TSPAN3: variants seen among roughly 807,000 people sequenced by gnomAD.
The protein encoded by TSPAN3 is tetraspanin 3, also known as tetraspanin-3.
Under a neutral mutation model 31.1 loss-of-function variants are expected in TSPAN3, and 9 were observed. The observed-to-expected ratio is 0.29, with a 90% CI of 0.17 to 0.50. The LOEUF is 0.50. Ranked by LOEUF, TSPAN3 falls within the 20% of genes least tolerant of loss-of-function variation. The pLI, the probability that TSPAN3 is intolerant of heterozygous loss-of-function variation, is 0.98. For synonymous variants in TSPAN3, 129 were observed against 114.3 expected (o/e 1.13, Z -0.82); for missense variants, 252 against 313.5 (o/e 0.80, Z 1.48).
At chr15:77,065,466 G>A (rs933221549) in intron 1 of TSPAN3, among the ~76,000 whole-genome samples, 11 of 151,926 alleles carry the variant, frequency 7.2e-5, no homozygotes, top group Non-Finnish European at 1.2e-4. Flanking sequence ...TCGCTCTGTC[G>A]CCCAGGCTGG....
intron 1 of TSPAN3, among the ~76,000 whole-genome samples, chr15:77,057,063 G>A (rs1568542567): frequency 6.6e-6 from 1 of 152,208 alleles, no homozygotes; most frequent in African/African-American, 2.4e-5. Flanking sequence ...ACAAAGACAA[G>A]TGATAGGTGT....
intron 1 of TSPAN3, among the ~76,000 whole-genome samples, chr15:77,068,912 G>A (rs1340940274): frequency 6.6e-6 from 1 of 152,134 alleles, no homozygotes; most frequent in African/African-American, 2.4e-5. Context: ...TTGGTTCCAT[G>A]TTTTTGCTAT....
At chr15:77,058,847 A>G (rs1319941880) in intron 1 of TSPAN3, among the ~76,000 whole-genome samples, 1 of 152,182 alleles carries the variant, frequency 6.6e-6, no homozygotes, top group Non-Finnish European at 1.5e-5. Flanking sequence ...CTATTCAATT[A>G]TTTGGCAACT....
chr15:77,063,084 G>T (rs1334249995), intron 1 of TSPAN3, among the ~76,000 whole-genome samples: 1 of 152,088 alleles, frequency 6.6e-6, no homozygotes, highest in African/African-American at 2.4e-5. Context: ...TCTCACCAAT[G>T]AATTCATTCC....
chr15:77,068,694 C>A (rs905100267), intron 1 of TSPAN3, among the ~76,000 whole-genome samples: 3 of 152,166 alleles, frequency 2.0e-5, no homozygotes, highest in Non-Finnish European at 2.9e-5. Context: ...AAGCCTGTAA[C>A]TCTTAAAAAA....
At chr15:77,064,504 G>A (rs1395864009) in intron 1 of TSPAN3, 1 of 152,124 alleles carries the variant, frequency 6.6e-6, no homozygotes, top group East Asian at 1.9e-4. Context: ...TTCAAAGCAT[G>A]ATAAATATCC....
rs1365932570 is a variant in TSPAN3, at chr15:77,042,936, T to A, written c.*3899A>T. 1 of 152,238 alleles carries A rather than the reference T, an allele frequency of 6.6e-6. No individual in the cohort carries two copies. Among genetic ancestry groups the A allele is most frequent in the Non-Finnish European group, 1.5e-5 (1 of 68,068 alleles). The allele number at this position is 152,238 out of a possible 1,614,324, so 9.4% of individuals were successfully genotyped here. A position where few individuals can be genotyped will look rare whatever the true frequency, so the allele number is the denominator to read the frequency against. The stretch of plus-strand genomic sequence containing the variant: ...CTCTTAACTCCAAATTTCCCTGACC[T>A]TGCCCTTCCTTGTCACACTGAAGAG... On this transcript the variant is annotated 3_prime_UTR_variant, in exon 7 of 7. Coordinates refer to ENST00000267970, the MANE Select transcript of TSPAN3 (RefSeq NM_005724.6).
At chr15:77,047,244 A>G (rs1260592706) in intron 6 of TSPAN3, among the ~76,000 whole-genome samples, 1 of 152,230 alleles carries the variant, frequency 6.6e-6, no homozygotes, top group East Asian at 1.9e-4. Context: ...CATACCACAT[A>G]TGCACTGTCA....
chr15:77,053,261 C>T (rs143706661), intron 4 of TSPAN3, among the ~76,000 whole-genome samples: 259 of 151,646 alleles, frequency 1.7e-3, no homozygotes, highest in African/African-American at 6.0e-3. Flanking sequence ...TTTGGGAGGC[C>T]GAGATGGGCG....
chr15:77,070,747 G>C (rs1391994600), intron 1 of TSPAN3, 145 bp downstream of exon 1: 9 of 240,440 alleles, frequency 3.7e-5, no homozygotes, highest in Admixed American at 1.3e-4. Context: ...CCTCACACCC[G>C]GCCCTCCCCT....
In TSPAN3 at chr15:77,046,528, G is replaced by A. The variant is rs544470856; in HGVS notation, c.*307C>T. On this transcript the variant is annotated 3_prime_UTR_variant, in exon 7 of 7. Transcript: ENST00000267970. ...GCATCAGTCCTGTTACCACTTGGAG[G>A]TAACAGAAGCAGGCTCGTGTCCTCC... 5 of 454,238 alleles carry A rather than the reference G, an allele frequency of 1.1e-5. No individual in the cohort carries two copies. In the South Asian group the frequency reaches 2.3e-4, roughly 21 times the overall value. The allele number at this position is 454,238 out of a possible 1,614,324, so 28.1% of individuals were successfully genotyped here.
chr15:77,047,022 C>T, intron 6 of TSPAN3, 95 bp from the exon 7 acceptor site: 1 of 917,162 alleles, frequency 1.1e-6, no homozygotes, highest in East Asian at 2.8e-5. Context: ...TTTCAAAGTT[C>T]AATGACTTCA....
chr15:77,042,559 C>A lies in TSPAN3; in HGVS notation c.*4276G>T, dbSNP rs888706439. ...GTCGGGAACTATCTGAGGAACTCTT[C>A]CCCCATCCCCAAAGGTCAATGATGA... On this transcript the variant is annotated 3_prime_UTR_variant, in exon 7 of 7. Transcript: ENST00000267970. The A allele has an allele frequency of 3.2e-4, 49 of 152,098 alleles. No homozygotes were observed. The highest frequency in any genetic ancestry group is 1.2e-3 in the African/African-American group (49 of 41,404). 9.4% of individuals were successfully genotyped at this position (152,098 alleles called of 1,614,324 possible).
intron 6 of TSPAN3, 119 bp from the exon 7 acceptor site, chr15:77,047,046 G>A: frequency 2.8e-6 from 2 of 715,718 alleles, no homozygotes; most frequent in Non-Finnish European, 4.6e-6. Flanking sequence ...CATCAAAAAG[G>A]CAGTAACAAC....
At position 77,050,748 on chromosome 15, in the gene TSPAN3, T is replaced by C. The variant is rs896773864; in HGVS notation, c.669+1637A>G. On this transcript the variant is annotated intron_variant, in intron 6 of 6. Transcript: ENST00000267970. ...ATTATTTTTAGCTAAATGAATGTGT[T>C]TGCATAAATAATCAAAATATGAAAT... Among the ~76,000 whole-genome samples the C allele has an allele frequency of 2.6e-5, 4 of 152,342 alleles. No homozygotes were observed. The East Asian group carries it at 7.7e-4, about 29-fold the overall frequency.
chr15:77,052,957 T>C, intron 4 of TSPAN3, 28 bp from the exon 5 acceptor site: 1 of 1,597,382 alleles, frequency 6.3e-7, no homozygotes, highest in South Asian at 1.1e-5. Context: ...AAGTATTATT[T>C]CTCACAAAAA....
In TSPAN3 at chr15:77,042,089, T is replaced by C. The variant is rs533388920; in HGVS notation, c.*4746A>G. ...GACATGGAAGGAGCATCAGACTATGTTGTGAAGACAGAAAGAGGATCTTGT... is the reference window on the plus strand; with the variant it reads ...GACATGGAAGGAGCATCAGACTATGCTGTGAAGACAGAAAGAGGATCTTGT... On this transcript the variant is annotated 3_prime_UTR_variant, in exon 7 of 7. Coordinates refer to ENST00000267970, the MANE Select transcript of TSPAN3 (RefSeq NM_005724.6). The C allele has an allele frequency of 6.6e-6, 1 of 152,284 alleles. No homozygotes were observed. Among genetic ancestry groups the C allele is most frequent in the East Asian group, 1.9e-4 (1 of 5,186 alleles). The allele number at this position is 152,284 out of a possible 1,614,324, so 9.4% of individuals were successfully genotyped here.
rs2076660633 is a variant in TSPAN3 at position 77,041,619 on chromosome 15, A to T, written c.*5216T>A. 1 of 152,070 alleles carries T rather than the reference A, an allele frequency of 6.6e-6. No homozygotes were observed. The highest frequency in any genetic ancestry group is 1.5e-5 in the Non-Finnish European group (1 of 68,024). The allele number at this position is 152,070 out of a possible 1,614,324, so 9.4% of individuals were successfully genotyped here. A position where few individuals can be genotyped will look rare whatever the true frequency, so the allele number is the denominator to read the frequency against. ...AGGCTGGTTTTGAACTCCTGATCTC[A>T]AGTGACCCACCTGTCTCGACCTCCC... is the stretch of plus-strand genomic sequence containing the variant. On this transcript the variant is annotated 3_prime_UTR_variant, in exon 7 of 7. Transcript: ENST00000267970.
In TSPAN3 at chr15:77,044,151, A is replaced by T. The variant is rs2076675577; in HGVS notation, c.*2684T>A. On this transcript the variant is annotated 3_prime_UTR_variant, in exon 7 of 7. Coordinates refer to ENST00000267970, the MANE Select transcript of TSPAN3 (RefSeq NM_005724.6). ...CCTCAACCAGGGCTGTGTCCTGGAC[A>T]CACCCTAGAGCACCTTAGATGCTCT... 6.6e-6 allele frequency: 1 copy of T among 152,200 alleles called. No homozygotes were observed. Among genetic ancestry groups the T allele is most frequent in the African/African-American group, 2.4e-5 (1 of 41,436 alleles). The allele number at this position is 152,200 out of a possible 1,614,324, so 9.4% of individuals were successfully genotyped here. A position where few individuals can be genotyped will look rare whatever the true frequency, so the allele number is the denominator to read the frequency against.
Sources: gnomAD v4.1 joint callset for allele counts (sites outside exome capture counted in the v4.1 genomes callset) on GRCh38, gnomAD v4.1.1 for gene constraint, MANE v1.5 for transcripts, NCBI Gene and HGNC (gene_info 2026-07-23, HGNC 2026-07-21) for gene names.